MID1: variants seen among roughly 807,000 people sequenced by gnomAD.
MID1 encodes E3 ubiquitin-protein ligase Midline-1.
In MID1, 7 loss-of-function variants were observed where a neutral mutation model predicts 40.4. The ratio of observed to expected loss-of-function variants is 0.17; its 90% CI spans 0.10 to 0.33. The LOEUF (loss-of-function observed/expected upper bound fraction) is 0.33, where lower values mean the gene tolerates loss of function less well. MID1 is among the 10% of genes least tolerant of loss of function. The pLI is 1.00. For synonymous variants in MID1, 229 were observed against 221.2 expected (o/e 1.04, Z -0.31); for missense variants, 367 against 558.5 (o/e 0.66, Z 3.46).
chrX:10,715,669 T>C (rs1284951218), intron 1 of MID1, among the ~76,000 whole-genome samples: 8 of 111,907 alleles, frequency 7.1e-5, no homozygotes, highest in Non-Finnish European at 1.5e-4. Context: ...GACTTAAATG[T>C]CCCTGTCTGA....
intron 1 of MID1, among the ~76,000 whole-genome samples, chrX:10,773,293 T>C (rs1324534807): frequency 8.9e-6 from 1 of 112,111 alleles, no homozygotes; most frequent in Non-Finnish European, 1.9e-5. Flanking sequence ...TCAGAAAATT[T>C]ATGTATTGCC....
intron 6 of MID1, among the ~76,000 whole-genome samples, chrX:10,472,046 G>A (rs1929738603): frequency 8.9e-6 from 1 of 112,404 alleles, no homozygotes; most frequent in Non-Finnish European, 1.9e-5. Flanking sequence ...TCAATTTAGT[G>A]TAAATGAGAA....
chrX:10,577,734 G>C (rs1290113210), intron 1 of MID1, among the ~76,000 whole-genome samples: 1 of 104,722 alleles, frequency 9.5e-6, no homozygotes, highest in Non-Finnish European at 1.9e-5. Flanking sequence ...TCAGTCTCCA[G>C]AATGGCAAAG....
chrX:10,533,386 G>GAA (rs767265516), intron 2 of MID1, among the ~76,000 whole-genome samples: 1,089 of 51,261 alleles, frequency 0.021, 8 homozygotes, highest in East Asian at 0.059. Flanking sequence ...GAAAAAGAAA[G>GAA]AAAGAAAAGA....
chrX:10,567,577 C>T lies in MID1; in HGVS notation c.-30G>A. On this transcript the variant is annotated 5_prime_UTR_variant, in exon 2 of 10. Coordinates refer to ENST00000317552, the MANE Select transcript of MID1 (RefSeq NM_000381.4). ...AGGCAAAGCTCTCTTGTGTCATCAGCAAAACCCAAGGAAGCTGATCAGCTA... is the reference window on the plus strand; with the variant it reads ...AGGCAAAGCTCTCTTGTGTCATCAGTAAAACCCAAGGAAGCTGATCAGCTA... 1 of 1,208,693 alleles carries T rather than the reference C, an allele frequency of 8.3e-7. No individual in the cohort carries two copies. The highest frequency in any genetic ancestry group is 1.1e-6 in the Non-Finnish European group (1 of 893,000).
rs199994429 is a variant in MID1, at chrX:10,728,186, CTT to C, written c.-187+105366_-187+105367del. On this transcript the variant is annotated intron_variant, in intron 1 of 10. Coordinates refer to the MID1 transcript ENST00000380785. ...TGGATGGATCTTTAAAACTCATCAA[CTT>C]TTCCCCCCCCAGGAAAAAACGTAGG... 6.8e-3 allele frequency among the ~76,000 whole-genome samples: 752 copies of C among 110,494 alleles called. 9 individuals are homozygous for C. Among genetic ancestry groups the C allele is most frequent in the African/African-American group, 0.024 (707 of 30,017 alleles).
intron 3 of MID1, among the ~76,000 whole-genome samples, chrX:10,504,399 A>T (rs1216824820): frequency 1.8e-5 from 2 of 111,448 alleles, no homozygotes; most frequent in Admixed American, 1.9e-4. Flanking sequence ...ATGAGTGAAA[A>T]CATGAAAAGC....
intron 1 of MID1, among the ~76,000 whole-genome samples, chrX:10,706,818 A>T (rs746311168): frequency 2.1e-4 from 24 of 111,988 alleles, no homozygotes; most frequent in Non-Finnish European, 3.8e-4. Flanking sequence ...TCCTGAAACT[A>T]TCTCTAGTTT....
intron 3 of MID1, among the ~76,000 whole-genome samples, chrX:10,508,608 T>C (rs1461970016): frequency 9.0e-6 from 1 of 111,324 alleles, no homozygotes; most frequent in African/African-American, 3.3e-5. Flanking sequence ...AGACTGGTCT[T>C]TGGAGATCAG....
chrX:10,519,430 C>A (rs1932604813), intron 3 of MID1, among the ~76,000 whole-genome samples: 1 of 111,623 alleles, frequency 9.0e-6, no homozygotes. Flanking sequence ...TGTTCCCTGG[C>A]AAGAGGCTTG....
chrX:10,758,768 T>C (rs2043654228), intron 1 of MID1, among the ~76,000 whole-genome samples: 1 of 110,811 alleles, frequency 9.0e-6, no homozygotes, highest in African/African-American at 3.3e-5. Flanking sequence ...GATTACAGGC[T>C]TGAGCCACCG....
At chrX:10,731,160 C>A (rs1052948753) in intron 1 of MID1, among the ~76,000 whole-genome samples, 1 of 111,374 alleles carries the variant, frequency 9.0e-6, no homozygotes, top group Admixed American at 9.6e-5. Context: ...GGGTAAAAAT[C>A]ATCTAAAACA....
intron 1 of MID1, among the ~76,000 whole-genome samples, chrX:10,765,438 C>G (rs775527916): frequency 2.7e-5 from 3 of 112,569 alleles, no homozygotes; most frequent in Non-Finnish European, 5.6e-5. Context: ...CAGGTTCCTT[C>G]TGTCTTCCAG....
chrX:10,697,852 C>G (rs749113248), intron 1 of MID1, among the ~76,000 whole-genome samples: 171 of 111,705 alleles, frequency 1.5e-3, no homozygotes, highest in Non-Finnish European at 2.7e-3. Flanking sequence ...AGCCTCTACC[C>G]ACCAGATGCC....
At chrX:10,522,311 T>C (rs989088344) in intron 3 of MID1, among the ~76,000 whole-genome samples, 4 of 111,874 alleles carry the variant, frequency 3.6e-5, no homozygotes, top group Admixed American at 9.4e-5. Context: ...ACTCCAAGAA[T>C]TGCCTGCAAC....
At chrX:10,763,571 A>G (rs1602563069) in intron 1 of MID1, among the ~76,000 whole-genome samples, 1 of 111,590 alleles carries the variant, frequency 9.0e-6, no homozygotes, top group South Asian at 3.8e-4. Flanking sequence ...ATCATTGATG[A>G]ACATTTGGGT....
intron 1 of MID1, among the ~76,000 whole-genome samples, chrX:10,757,654 T>C (rs886470404): frequency 8.9e-6 from 1 of 112,340 alleles, no homozygotes; most frequent in African/African-American, 3.2e-5. Context: ...ATTGAAACTT[T>C]ACATCTGAAC....
chrX:10,507,664 T>C (rs1931910802), intron 3 of MID1, among the ~76,000 whole-genome samples: 1 of 112,407 alleles, frequency 8.9e-6, no homozygotes, highest in South Asian at 3.7e-4. Flanking sequence ...ATGCCTGACA[T>C]ATGAAGGAAC....
chrX:10,543,962 T>G (rs1225254357), intron 2 of MID1, among the ~76,000 whole-genome samples: 1 of 111,412 alleles, frequency 9.0e-6, no homozygotes, highest in African/African-American at 3.3e-5. Flanking sequence ...GCTGAGATCG[T>G]GCCACTGCAC....
Sources: allele counts gnomAD v4.1 joint callset (sites outside exome capture counted in the v4.1 genomes callset), GRCh38; gene constraint gnomAD v4.1.1; transcripts MANE v1.5; gene names NCBI Gene and HGNC (gene_info 2026-07-23, HGNC 2026-07-21).